KAT2B: variants seen among roughly 807,000 people sequenced by gnomAD.
KAT2B encodes the protein lysine acetyltransferase 2B, also known as histone acetyltransferase KAT2B.
In KAT2B, 36 loss-of-function variants were observed where a neutral mutation model predicts 105.9. The ratio of observed to expected loss-of-function variants is 0.34; its 90% CI spans 0.26 to 0.45. The LOEUF is 0.45. KAT2B is among the 20% of genes least tolerant of loss of function. The pLI is 1.00. For synonymous variants in KAT2B, 397 were observed against 377.9 expected (o/e 1.05, Z -0.59); for missense variants, 820 against 1,021.6 (o/e 0.80, Z 2.69).
chr3:20,093,403 C>T (rs1465307469), intron 2 of KAT2B, among the ~76,000 whole-genome samples: 3 of 152,114 alleles, frequency 2.0e-5, no homozygotes, highest in Non-Finnish European at 1.5e-5. Flanking sequence ...AAGAGCTGCT[C>T]TTGAGGGTAT....
At position 20,062,873 on chromosome 3, in the gene KAT2B, G is replaced by A. The variant is rs1051168305; in HGVS notation, c.304-9460G>A. On this transcript the variant is annotated intron_variant, in intron 1 of 17. Transcript: ENST00000263754. ...AGTCCTTTGCCCATTGTAAAATTTC[G>A]TTGTTGTTGTTGTTGTTGAGTTGTA... is the stretch of plus-strand genomic sequence containing the variant. Among the ~76,000 whole-genome samples, 14 of 151,584 alleles carry A rather than the reference G, an allele frequency of 9.2e-5. No individual in the cohort carries two copies. In the East Asian group the frequency reaches 1.6e-3, roughly 17 times the overall value.
rs751076329 is a variant in KAT2B, at chr3:20,152,576, C to G, written c.*51C>G. 6.9e-7 allele frequency: 1 copy of G among 1,442,434 alleles called. No individual in the cohort carries two copies. Among genetic ancestry groups the G allele is most frequent in the Non-Finnish European group, 9.6e-7 (1 of 1,043,288 alleles). The allele number at this position is 1,442,434 out of a possible 1,614,324, so 89.4% of individuals were successfully genotyped here. On this transcript the variant is annotated 3_prime_UTR_variant, in exon 18 of 18. Transcript: ENST00000263754. The stretch of plus-strand genomic sequence containing the variant: ...AACTCACCAAGCAGTGTGCCTAAAG[C>G]AAGGTGGTTTAGTTTTTTACAAAGA...
At chr3:20,074,669 T>G (rs1211286063) in intron 2 of KAT2B, among the ~76,000 whole-genome samples, 1 of 152,206 alleles carries the variant, frequency 6.6e-6, no homozygotes, top group East Asian at 1.9e-4. Context: ...TTCTAGAAGC[T>G]GAAAACAATG....
At chr3:20,142,444 A>G (rs6799196) in intron 13 of KAT2B, among the ~76,000 whole-genome samples, 70,627 of 151,994 alleles carry the variant, frequency 0.46, 19,545 homozygotes, top group East Asian at 0.94. Context: ...ATTTGTTCCA[A>G]CTGTGAAAAA....
intron 9 of KAT2B, among the ~76,000 whole-genome samples, chr3:20,124,555 A>G (rs1004315337): frequency 1.3e-5 from 2 of 152,156 alleles, no homozygotes; most frequent in African/African-American, 4.8e-5. Context: ...TGATGATCCA[A>G]CACTTCCCAC....
intron 1 of KAT2B, among the ~76,000 whole-genome samples, chr3:20,042,939 A>G (rs774617444): frequency 4.6e-4 from 70 of 151,450 alleles, no homozygotes; most frequent in Admixed American, 1.3e-3. Flanking sequence ...TCACTCTGCC[A>G]CGTAGGCTGG....
chr3:20,132,835 G>A (rs971493778), intron 11 of KAT2B, among the ~76,000 whole-genome samples: 1 of 152,152 alleles, frequency 6.6e-6, no homozygotes, highest in South Asian at 2.1e-4. Flanking sequence ...ATTGGATTAT[G>A]GATGAAGGGT....
chr3:20,062,104 A>AAACATAT lies in KAT2B; in HGVS notation c.304-10229_304-10228insAACATAT, dbSNP rs1559514091. 4.3e-3 allele frequency among the ~76,000 whole-genome samples: 258 copies of AAACATAT among 60,220 alleles called. 10 individuals carry two copies. The highest frequency in any genetic ancestry group is 0.013 in the African/African-American group (214 of 16,340). 39.5% of individuals were successfully genotyped at this position (60,220 alleles called of 152,430 possible). On this transcript the variant is annotated intron_variant, in intron 1 of 17. Coordinates refer to ENST00000263754, the MANE Select transcript of KAT2B (RefSeq NM_003884.5). ...ATATATATTATATATAAAACATATA[A>AAACATAT]TATATATTATATAAAACATATATAT...
chr3:20,110,255 A>G (rs915337385), intron 5 of KAT2B, among the ~76,000 whole-genome samples: 5 of 151,942 alleles, frequency 3.3e-5, no homozygotes, highest in African/African-American at 1.2e-4. Context: ...AAGGAATAAG[A>G]ATCTGTGGAA....
intron 11 of KAT2B, among the ~76,000 whole-genome samples, chr3:20,132,288 A>T (rs930329561): frequency 3.3e-5 from 5 of 152,130 alleles, no homozygotes; most frequent in Non-Finnish European, 5.9e-5. Flanking sequence ...CAGGAGAATC[A>T]CTTGAACCCA....
intron 11 of KAT2B, among the ~76,000 whole-genome samples, chr3:20,133,037 T>G (rs1699538895): frequency 6.6e-6 from 1 of 152,256 alleles, no homozygotes; most frequent in South Asian, 2.1e-4. Flanking sequence ...AAAAAAATTT[T>G]TTTAGAAATA....
chr3:20,135,761 A>G (rs1699589537), intron 11 of KAT2B, among the ~76,000 whole-genome samples: 1 of 152,162 alleles, frequency 6.6e-6, no homozygotes, highest in South Asian at 2.1e-4. Context: ...GGGACTGGGA[A>G]AGTACGGATG....
intron 5 of KAT2B, among the ~76,000 whole-genome samples, chr3:20,110,863 G>T (rs1481638238): frequency 6.6e-6 from 1 of 152,048 alleles, no homozygotes; most frequent in Non-Finnish European, 1.5e-5. Context: ...TCCTCCTCCA[G>T]CGTCGTGCAG....
At chr3:20,049,108 C>A (rs937774291) in intron 1 of KAT2B, among the ~76,000 whole-genome samples, 1 of 152,090 alleles carries the variant, frequency 6.6e-6, no homozygotes, top group Non-Finnish European at 1.5e-5. Context: ...GATCCGCCCA[C>A]CTTGGCCTCT....
chr3:20,131,805 C>A (rs1430274371), intron 11 of KAT2B, among the ~76,000 whole-genome samples: 2 of 152,022 alleles, frequency 1.3e-5, no homozygotes, highest in African/African-American at 4.8e-5. Context: ...CTCAAGAGAT[C>A]CTCCCTCCTT....
chr3:20,101,347 A>C lies in KAT2B; in HGVS notation c.730A>C (p.Ile244Leu). 6.2e-7 allele frequency: 1 copy of C among 1,614,138 alleles called. No individual in the cohort carries two copies. Among genetic ancestry groups the C allele is most frequent in the Non-Finnish European group, 8.5e-7 (1 of 1,180,008 alleles). Residue 244 changes from isoleucine (I) to leucine (L), a missense_variant, in exon 5 of 18, where the codon ATA (isoleucine) becomes CTA (leucine). By Grantham distance (5) the Ile-to-Leu change is conservative. This residue lies in a region of KAT2B where 173 missense variants were observed against 249.5 expected (regional missense o/e 0.69). Coordinates refer to ENST00000263754, the MANE Select transcript of KAT2B (RefSeq NM_003884.5). ...CCTGCCAGCAAAAGAAAGGCAAACAATAGTTGAGTTGGCAAAAATGTTCCT... is the reference window on the plus strand; with the variant it reads ...CCTGCCAGCAAAAGAAAGGCAAACACTAGTTGAGTTGGCAAAAATGTTCCT... ...SHLPAKERQT[I>L]VELAKMFLNR...
At chr3:20,144,448 C>T (rs1296687563) in intron 13 of KAT2B, among the ~76,000 whole-genome samples, 1 of 151,538 alleles carries the variant, frequency 6.6e-6, no homozygotes, top group Non-Finnish European at 1.5e-5. Context: ...GCCACCATGC[C>T]CAGCTAATTT....
chr3:20,112,338 T>G (rs1439624859), intron 6 of KAT2B, among the ~76,000 whole-genome samples: 1 of 152,148 alleles, frequency 6.6e-6, no homozygotes, highest in Non-Finnish European at 1.5e-5. Context: ...CTAAATTTCT[T>G]GTAGAATAGG....
chr3:20,079,610 A>G (rs899661918), intron 2 of KAT2B, among the ~76,000 whole-genome samples: 3 of 152,192 alleles, frequency 2.0e-5, no homozygotes, highest in Non-Finnish European at 4.4e-5. Context: ...TTTCTCATGG[A>G]TATTTCAAGT....
Sources: allele counts gnomAD v4.1 joint callset (sites outside exome capture counted in the v4.1 genomes callset), GRCh38; gene constraint gnomAD v4.1.1; regional missense constraint gnomAD v4.1.1; transcripts MANE v1.5; gene names NCBI Gene and HGNC (gene_info 2026-07-23, HGNC 2026-07-21).